Variants in ADNP observed in about 807,000 individuals in gnomAD.
The protein encoded by ADNP is activity dependent neuroprotector homeobox.
ADNP carries 4 observed loss-of-function variants against 84.9 expected under a neutral mutation model. The ratio of observed to expected loss-of-function variants is 0.05; its 90% CI spans 0.02 to 0.11. ADNP has a LOEUF of 0.11. Among genes scored for constraint, ADNP ranks in the 10% least tolerant of loss-of-function variants. The pLI, the probability that ADNP is intolerant of heterozygous loss-of-function variation, is 1.00. For synonymous variants in ADNP, 554 were observed against 468.1 expected (o/e 1.18, Z -2.37); for missense variants, 1,132 against 1,326.0 (o/e 0.85, Z 2.27).
At chr20:50,920,738 G>A (rs1327739143) in intron 2 of ADNP, among the ~76,000 whole-genome samples, 3 of 152,076 alleles carry the variant, frequency 2.0e-5, no homozygotes, top group Admixed American at 2.0e-4. Context: ...AGTAAAACGA[G>A]GGGAAAAGAA....
intron 5 of ADNP, among the ~76,000 whole-genome samples, chr20:50,897,280 T>C (rs544354024): frequency 1.3e-5 from 2 of 152,352 alleles, no homozygotes; most frequent in East Asian, 3.9e-4. Context: ...AGGTCTGCAC[T>C]GCTAAATCCT....
intron 5 of ADNP, among the ~76,000 whole-genome samples, chr20:50,895,706 G>A (rs1183080309): frequency 6.6e-6 from 1 of 152,068 alleles, no homozygotes; most frequent in Non-Finnish European, 1.5e-5. Context: ...CCACACTAGG[G>A]TAAATTTTGT....
chr20:50,921,297 T>C (rs551674630), intron 2 of ADNP, among the ~76,000 whole-genome samples: 1 of 152,342 alleles, frequency 6.6e-6, no homozygotes, highest in South Asian at 2.1e-4. Context: ...TGCACAGTAG[T>C]GTTTTTATAC....
At chr20:50,925,898 C>G (rs1441864940) in intron 2 of ADNP, among the ~76,000 whole-genome samples, 2 of 152,236 alleles carry the variant, frequency 1.3e-5, no homozygotes, top group Admixed American at 1.3e-4. Context: ...GTCAGCAGTT[C>G]AAGACCAGCT....
chr20:50,908,931 T>C (rs949521431), intron 2 of ADNP, among the ~76,000 whole-genome samples: 9 of 151,948 alleles, frequency 5.9e-5, no homozygotes, highest in South Asian at 2.1e-4. Flanking sequence ...CAAAGAGAGC[T>C]AAAAACTAAA....
At chr20:50,895,390 G>A (rs1981273019) in intron 5 of ADNP, among the ~76,000 whole-genome samples, 1 of 152,160 alleles carries the variant, frequency 6.6e-6, no homozygotes, top group Admixed American at 6.5e-5. Context: ...ACATAGCTGA[G>A]CACAGAAAAG....
At chr20:50,928,534 G>A (rs1431186098) in intron 2 of ADNP, 117 bp downstream of exon 2, 1 of 152,208 alleles carries the variant, frequency 6.6e-6, no homozygotes, top group African/African-American at 2.4e-5. Flanking sequence ...CCGGTTCCTT[G>A]AGGAATGTGG....
intron 5 of ADNP, among the ~76,000 whole-genome samples, chr20:50,896,426 C>T (rs920932758): frequency 1.3e-5 from 2 of 152,084 alleles, no homozygotes; most frequent in African/African-American, 2.4e-5. Flanking sequence ...CTCATCTCTA[C>T]TAAAAATACA....
chr20:50,899,930 C>T (rs868475035), intron 5 of ADNP, among the ~76,000 whole-genome samples: 2 of 140,376 alleles, frequency 1.4e-5, no homozygotes, highest in Non-Finnish European at 3.0e-5. Context: ...AAGGACAAAG[C>T]TTCCGCAGTG....
intron 2 of ADNP, among the ~76,000 whole-genome samples, chr20:50,927,608 CT>C (rs1984378608): frequency 1.3e-5 from 2 of 150,320 alleles, no homozygotes; most frequent in South Asian, 4.2e-4. Context: ...GTTGCCCAAG[CT>C]GGTCTTGAAC....
intron 2 of ADNP, among the ~76,000 whole-genome samples, chr20:50,927,307 A>C (rs1984354543): frequency 6.6e-6 from 1 of 152,226 alleles, no homozygotes; most frequent in African/African-American, 2.4e-5. Context: ...TTTTCAGCCC[A>C]ATCTCCTATA....
chr20:50,891,388 G>A lies in ADNP; in HGVS notation c.*17C>T, dbSNP rs184463340. 145 of 1,573,460 alleles carry A rather than the reference G, an allele frequency of 9.2e-5. No individual in the cohort carries two copies. Among genetic ancestry groups the A allele is most frequent in the Non-Finnish European group, 1.1e-4 (133 of 1,163,838 alleles). ...TTCCAGGCTGCAGCATGTCACCAAC[G>A]CCAGGGAACCTGGCACTTAGGCCTG... On this transcript the variant is annotated 3_prime_UTR_variant, in exon 6 of 6. Coordinates refer to ENST00000621696, the MANE Select transcript of ADNP (RefSeq NM_001282531.3).
At chr20:50,923,716 C>G (rs1984107491) in intron 2 of ADNP, among the ~76,000 whole-genome samples, 3 of 152,128 alleles carry the variant, frequency 2.0e-5, no homozygotes, top group South Asian at 4.1e-4. Context: ...TGGGGTTTCA[C>G]CATGTTGGCC....
rs750407672 is a variant in ADNP at position 50,891,410 on chromosome 20, C to T, written c.3304G>A (p.Ala1102Thr). 6.2e-7 allele frequency: 1 copy of T among 1,601,566 alleles called. No homozygotes were observed. Among genetic ancestry groups the T allele is most frequent in the Non-Finnish European group, 8.5e-7 (1 of 1,174,960 alleles). ...LAGVKLSSQQA is the reference protein window; with the variant it reads ...LAGVKLSSQQT Reference sequence around the variant, plus strand: ...AACGCCAGGGAACCTGGCACTTAGGCCTGTTGGCTGCTCAGTTTAACTCCG... The same window carrying T: ...AACGCCAGGGAACCTGGCACTTAGGTCTGTTGGCTGCTCAGTTTAACTCCG... Residue 1102 changes from alanine (A) to threonine (T), a missense_variant, in exon 6 of 6, where the codon GCC becomes ACC. Physicochemically the swap from Ala to Thr is moderately conservative, Grantham distance 58 (BLOSUM62 0). Coordinates refer to ENST00000621696, the MANE Select transcript of ADNP (RefSeq NM_001282531.3).
rs773488041 is a variant in ADNP, at chr20:50,904,018, T to A, written c.-5-17A>T. ...ACATAGTTTCTATTGGAAAAAAAAATTTAAGTCAAAGTCAAAACACGTACA... is the reference window on the plus strand; with the variant it reads ...ACATAGTTTCTATTGGAAAAAAAAAATTAAGTCAAAGTCAAAACACGTACA... On this transcript the variant is annotated splice_polypyrimidine_tract_variant and intron_variant, in intron 3 of 5. Transcript: ENST00000621696. 3.2e-6 allele frequency: 5 copies of A among 1,580,376 alleles called. No homozygotes were observed. Among genetic ancestry groups the A allele is most frequent in the African/African-American group, 1.3e-5 (1 of 74,100 alleles).
At chr20:50,920,476 A>G (rs1443612069) in intron 2 of ADNP, among the ~76,000 whole-genome samples, 2 of 149,768 alleles carry the variant, frequency 1.3e-5, no homozygotes, top group Non-Finnish European at 3.0e-5. Flanking sequence ...GCTACTCGGG[A>G]GGCTGAGGCA....
In ADNP at chr20:50,891,207, C is replaced by CT. The variant is rs1157911493; in HGVS notation, c.*197dup. On this transcript the variant is annotated 3_prime_UTR_variant, in exon 6 of 6. Coordinates refer to ENST00000621696, the MANE Select transcript of ADNP (RefSeq NM_001282531.3). ...GGTTTTTCACATTTAGTTACCGTGT[C>CT]TGTCAGAGAAGGTTCTGAAGCAAGA... 7.6e-7 allele frequency: 1 copy of CT among 1,323,628 alleles called. No individual in the cohort carries two copies. The highest frequency in any genetic ancestry group is 9.6e-7 in the Non-Finnish European group (1 of 1,042,322). The allele number at this position is 1,323,628 out of a possible 1,614,324, so 82.0% of individuals were successfully genotyped here.
intron 2 of ADNP, among the ~76,000 whole-genome samples, chr20:50,926,441 A>AT (rs1044443664): frequency 2.0e-5 from 3 of 152,110 alleles, no homozygotes; most frequent in South Asian, 2.1e-4. Flanking sequence ...AAAACTTCCT[A>AT]TTTTTTTCTT....
At chr20:50,921,755 G>A (rs1225190353) in intron 2 of ADNP, among the ~76,000 whole-genome samples, 4 of 152,192 alleles carry the variant, frequency 2.6e-5, no homozygotes, top group Non-Finnish European at 4.4e-5. Flanking sequence ...GGCAGCCAGA[G>A]GTCTGGCCCC....
Sources: allele counts gnomAD v4.1 joint callset (sites outside exome capture counted in the v4.1 genomes callset), GRCh38; gene constraint gnomAD v4.1.1; transcripts MANE v1.5; gene names NCBI Gene and HGNC (gene_info 2026-07-23, HGNC 2026-07-21).